Variants in MLPH observed in about 807,000 individuals in gnomAD.
The protein encoded by MLPH is melanophilin.
In MLPH, 51 loss-of-function variants were observed where a neutral mutation model predicts 72.1. The observed-to-expected ratio is 0.71, with a 90% CI of 0.56 to 0.89. The LOEUF (loss-of-function observed/expected upper bound fraction) is 0.89, where lower values mean the gene tolerates loss of function less well. MLPH is among the 40% of genes least tolerant of loss of function. The probability of loss-of-function intolerance (pLI) is 0.00; values close to 1 mark genes in which losing one functional copy is unlikely to be tolerated. For synonymous variants in MLPH, 301 were observed against 310.1 expected (o/e 0.97, Z 0.31); for missense variants, 743 against 759.9 (o/e 0.98, Z 0.26).
chr2:237,540,726 C>T (rs771161991), intron 10 of MLPH, 76 bp from the exon 11 acceptor site: 59 of 1,575,608 alleles, frequency 3.7e-5, no homozygotes, highest in African/African-American at 3.2e-4. Flanking sequence ...AGAGCAATAT[C>T]GTGGTGAGTC....
Position 237,520,318 on chromosome 2 carries a change from G to A in MLPH, c.675+289G>A, listed in dbSNP as rs78063959. Among the ~76,000 whole-genome samples the A allele has an allele frequency of 0.14, 20,610 of 152,130 alleles. 1,546 individuals carry two copies. The highest frequency in any genetic ancestry group is 0.16 in the Non-Finnish European group (11,118 of 67,948). ...GATGAGTTGGGGCCCAGGGATCGGT[G>A]CTTGGGACAGAAATAAGGCAGAACC... is the stretch of plus-strand genomic sequence containing the variant. On this transcript the variant is annotated intron_variant, in intron 6 of 15. Coordinates refer to ENST00000264605, the MANE Select transcript of MLPH (RefSeq NM_024101.7).
chr2:237,529,767 G>A (rs2080379858), intron 8 of MLPH, among the ~76,000 whole-genome samples: 1 of 152,228 alleles, frequency 6.6e-6, no homozygotes, highest in South Asian at 2.1e-4. Context: ...TTTCACCAAG[G>A]CTGGTCTCAG....
rs555640762 is a variant in MLPH at position 237,550,218 on chromosome 2, G to A, written c.1675+940G>A. Among the ~76,000 whole-genome samples the A allele has an allele frequency of 8.5e-5, 13 of 152,170 alleles. No individual in the cohort carries two copies. The East Asian group carries it at 9.7e-4, about 11-fold the overall frequency. ...GGGCCAAGTATGAAGCCTCTCCCCC[G>A]GGGCTCTCCACCGCCTCCCTGCAAC... On this transcript the variant is annotated intron_variant, in intron 14 of 15. Transcript: ENST00000264605.
chr2:237,534,605 G>A lies in MLPH; in HGVS notation c.1062G>A (p.Leu354=), dbSNP rs758284974. The A allele has an allele frequency of 1.2e-6, 2 of 1,613,834 alleles. No homozygotes were observed. Among genetic ancestry groups the A allele is most frequent in the African/African-American group, 1.3e-5 (1 of 74,916 alleles). The change falls in exon 9 of 16, where the codon CTG becomes CTA. Residue 354 remains leucine (L), a synonymous_variant. Transcript: ENST00000264605. ...AGCATATTTCAGCTGTGGAATGCCT[G>A]CTGACCTACCTGGAGAACACAGTTG... ...LNKHISAVEC[L]LTYLENTVVP... is the part of the protein sequence containing the mutation.
chr2:237,510,228 C>A lies in MLPH; in HGVS notation c.111-346C>A, dbSNP rs904289472. The A allele has an allele frequency of 1.1e-5, 4 of 365,408 alleles. No homozygotes were observed. Among genetic ancestry groups the A allele is most frequent in the Non-Finnish European group, 1.0e-5 (2 of 190,982 alleles). 22.6% of individuals were successfully genotyped at this position (365,408 alleles called of 1,614,324 possible). A position where few individuals can be genotyped will look rare whatever the true frequency, so the allele number is the denominator to read the frequency against. The stretch of plus-strand genomic sequence containing the variant: ...CAGGAAACACCATCTGGCTTTGCCC[C>A]CAGGATTCTGTGACTGCCCTGGGGA... On this transcript the variant is annotated intron_variant, in intron 2 of 15. Coordinates refer to ENST00000264605, the MANE Select transcript of MLPH (RefSeq NM_024101.7). The surrounding 1 kb of genome is among the most constrained non-coding windows in gnomAD (Gnocchi z 4.4).
chr2:237,496,143 G>T (rs571937691), intron 2 of MLPH, among the ~76,000 whole-genome samples: 1 of 152,180 alleles, frequency 6.6e-6, no homozygotes, highest in African/African-American at 2.4e-5. Flanking sequence ...GGTGCATCCT[G>T]CCCTGTCTCC....
At chr2:237,517,294 C>CATGG (rs367628756) in intron 4 of MLPH, among the ~76,000 whole-genome samples, 1 of 100,480 alleles carries the variant, frequency 1.0e-5, no homozygotes, top group African/African-American at 3.6e-5. Flanking sequence ...TGCATGGATG[C>CATGG]ATGGATGGAT....
rs786205551 is a variant in MLPH, at chr2:237,493,530, G to A, written c.104G>A (p.Arg35Gln). The A allele has an allele frequency of 1.4e-5, 22 of 1,612,944 alleles. No individual in the cohort carries two copies. The highest frequency in any genetic ancestry group is 1.7e-5 in the Admixed American group (1 of 59,978). Residue 35 changes from arginine (R) to glutamine (Q), a missense_variant, in exon 2 of 16, where the codon CGG (arginine) becomes CAG (glutamine). Transcript: ENST00000264605. ...DFDLRRKEEE[R>Q]LEALKGKIKK... ...GACCTCCGAAGGAAAGAAGAGGAACGGCTAGAGTGAGTGTGCCGTGCTGAG... is the reference window on the plus strand; with the variant it reads ...GACCTCCGAAGGAAAGAAGAGGAACAGCTAGAGTGAGTGTGCCGTGCTGAG...
At chr2:237,497,269 C>A (rs2079554929) in intron 2 of MLPH, among the ~76,000 whole-genome samples, 1 of 152,240 alleles carries the variant, frequency 6.6e-6, no homozygotes, top group Admixed American at 6.5e-5. Flanking sequence ...GCCAGGGACA[C>A]TTACTGGGCC....
At chr2:237,545,543 GA>G in intron 12 of MLPH, 1 of 1,288,702 alleles carries the variant, frequency 7.8e-7, no homozygotes, top group Non-Finnish European at 1.0e-6. Flanking sequence ...GGAGCCGCCT[GA>G]ATCATGTTGC....
intron 8 of MLPH, among the ~76,000 whole-genome samples, chr2:237,533,013 C>T (rs2080454453): frequency 6.6e-6 from 1 of 152,212 alleles, no homozygotes; most frequent in East Asian, 1.9e-4. Flanking sequence ...ATCACCAGTC[C>T]TTACCAATGA....
intron 12 of MLPH, among the ~76,000 whole-genome samples, chr2:237,546,162 T>C (rs1205331398): frequency 1.3e-5 from 2 of 152,222 alleles, no homozygotes; most frequent in Non-Finnish European, 2.9e-5. Context: ...TTTTGAGTTC[T>C]TGATCAGCCT....
intron 6 of MLPH, among the ~76,000 whole-genome samples, chr2:237,520,724 G>A (rs1284039540): frequency 6.6e-6 from 1 of 152,248 alleles, no homozygotes; most frequent in Non-Finnish European, 1.5e-5. Flanking sequence ...TAAAAAAAGA[G>A]AGAAAGTAGA....
In MLPH at chr2:237,493,500, A is replaced by AT. The variant is rs779914941; in HGVS notation, c.78dup (p.Asp27Ter). The AT allele has an allele frequency of 3.1e-6, 5 of 1,613,986 alleles. No homozygotes were observed. Among genetic ancestry groups the AT allele is most frequent in the Non-Finnish European group, 4.2e-6 (5 of 1,179,922 alleles). On this transcript the variant is annotated frameshift_variant, in exon 2 of 16. Transcript: ENST00000264605. LOFTEE classifies it high-confidence loss of function. ...CATGTCTTGGAAGTTGTTCAACGAG[A>AT]TTTTGACCTCCGAAGGAAAGAAGAG... is the stretch of plus-strand genomic sequence containing the variant.
At chr2:237,520,380 T>G (rs1200015357) in intron 6 of MLPH, among the ~76,000 whole-genome samples, 1 of 151,064 alleles carries the variant, frequency 6.6e-6, no homozygotes, top group East Asian at 2.0e-4. Context: ...GAAGGGCATC[T>G]GAGGTGGAGT....
chr2:237,550,275 C>G (rs557693700), intron 14 of MLPH, among the ~76,000 whole-genome samples: 2 of 152,326 alleles, frequency 1.3e-5, no homozygotes, highest in Middle Eastern at 3.4e-3. Flanking sequence ...TTCCAGCCAG[C>G]TCACTCCTTG....
In MLPH at chr2:237,527,487, C is replaced by A. The variant is rs577434782; in HGVS notation, c.991C>A (p.Arg331=). ...AHVMASHHSK[R]RGRASSESQI... is the part of the protein sequence containing the mutation. The stretch of plus-strand genomic sequence containing the variant: ...CGTGATGGCCTCCCACCATTCCAAG[C>A]GGAGAGGCCGGGCGTCTTCTGAGAG... Residue 331 remains arginine (R), a synonymous_variant, in exon 8 of 16, where the codon CGG becomes AGG. Coordinates refer to ENST00000264605, the MANE Select transcript of MLPH (RefSeq NM_024101.7). The A allele has an allele frequency of 1.2e-6, 2 of 1,614,168 alleles. No individual in the cohort carries two copies. Among genetic ancestry groups the A allele is most frequent in the Admixed American group, 1.7e-5 (1 of 60,028 alleles).
intron 8 of MLPH, 28 bp from the exon 9 acceptor site, chr2:237,534,536 G>GC: frequency 1.3e-6 from 2 of 1,598,018 alleles, no homozygotes; most frequent in South Asian, 1.1e-5. Flanking sequence ...TGGGTCCTCT[G>GC]CCCACTGTTT....
rs1358799335 is a variant in MLPH, at chr2:237,541,609, G to T, written c.1446+652G>T. ...CACGTCCCCTAGAGCTGTTCAAGGG[G>T]AGCGAGTCAGGCTCTGGACTTTCCC... is the stretch of plus-strand genomic sequence containing the variant. On this transcript the variant is annotated intron_variant, in intron 11 of 15. Coordinates refer to ENST00000264605, the MANE Select transcript of MLPH (RefSeq NM_024101.7). This position sits in a 1 kb window ranked among gnomAD's most constrained non-coding sequence, Gnocchi z 5.1. 2.0e-5 allele frequency among the ~76,000 whole-genome samples: 3 copies of T among 152,234 alleles called. No homozygotes were observed. Among genetic ancestry groups the T allele is most frequent in the Non-Finnish European group, 4.4e-5 (3 of 68,042 alleles).
Sources: allele counts gnomAD v4.1 joint callset (sites outside exome capture counted in the v4.1 genomes callset), GRCh38; gene constraint gnomAD v4.1.1; non-coding constraint Gnocchi (gnomAD v3.1); transcripts MANE v1.5; gene names NCBI Gene and HGNC (gene_info 2026-07-23, HGNC 2026-07-21).